ALK: variants seen among roughly 807,000 people sequenced by gnomAD.
ALK encodes ALK tyrosine kinase receptor.
A neutral mutation model predicts 163.1 loss-of-function variants in ALK; 74 were observed. The observed-to-expected ratio is 0.45, with a 90% CI of 0.38 to 0.55. The LOEUF is 0.55. ALK is among the 20% of genes least tolerant of loss of function. The pLI is 0.00. For missense variants in ALK, 2,063 were observed against 2,105.3 expected (o/e 0.98, Z 0.39); for synonymous variants, 960 against 843.2 (o/e 1.14, Z -2.40).
chr2:29,401,106 C>T (rs1448032488), intron 4 of ALK, among the ~76,000 whole-genome samples: 2 of 152,176 alleles, frequency 1.3e-5, no homozygotes, highest in Non-Finnish European at 2.9e-5. Flanking sequence ...TAAATGGCAT[C>T]CTGGAGGTGG....
chr2:29,469,456 A>C (rs1177387007), intron 4 of ALK, among the ~76,000 whole-genome samples: 1 of 152,178 alleles, frequency 6.6e-6, no homozygotes, highest in African/African-American at 2.4e-5. Context: ...TCCATCTTTC[A>C]GGGTGTTCTC....
intron 3 of ALK, among the ~76,000 whole-genome samples, chr2:29,533,348 G>A (rs1331155706): frequency 6.6e-6 from 1 of 152,230 alleles, no homozygotes; most frequent in Non-Finnish European, 1.5e-5. Flanking sequence ...CAAAGACAAA[G>A]AATTGGGAAG....
chr2:29,412,229 A>G (rs1203713318), intron 4 of ALK, among the ~76,000 whole-genome samples: 2 of 152,220 alleles, frequency 1.3e-5, no homozygotes, highest in Non-Finnish European at 2.9e-5. Flanking sequence ...AGTGAACAAA[A>G]TCTTGAAAGG....
intron 7 of ALK, 140 bp downstream of exon 7, chr2:29,320,611 G>T: frequency 3.4e-6 from 4 of 1,162,456 alleles, no homozygotes; most frequent in African/African-American, 1.5e-5. Flanking sequence ...AGAGGGAATT[G>T]TGTGTGAACG....
chr2:29,494,907 A>C (rs1052245550), intron 4 of ALK, among the ~76,000 whole-genome samples: 2 of 150,628 alleles, frequency 1.3e-5, no homozygotes, highest in Non-Finnish European at 3.0e-5. Flanking sequence ...ATAGTCTCTT[A>C]GTTCCTCACT....
intron 9 of ALK, among the ~76,000 whole-genome samples, chr2:29,280,503 G>A (rs1487560652): frequency 4.0e-5 from 6 of 151,750 alleles, no homozygotes; most frequent in Non-Finnish European, 8.8e-5. Context: ...TGGGACTGAC[G>A]GAAAGTTCTA....
intron 2 of ALK, among the ~76,000 whole-genome samples, chr2:29,696,074 G>T (rs1678550769): frequency 6.6e-6 from 1 of 152,172 alleles, no homozygotes; most frequent in Non-Finnish European, 1.5e-5. Flanking sequence ...ACTATAAACA[G>T]ACATGCCTAC....
intron 4 of ALK, among the ~76,000 whole-genome samples, chr2:29,415,031 T>A (rs988362060): frequency 5.3e-5 from 8 of 151,442 alleles, no homozygotes; most frequent in African/African-American, 1.5e-4. Flanking sequence ...TGCACACACA[T>A]GCACAGATAT....
intron 13 of ALK, among the ~76,000 whole-genome samples, chr2:29,236,514 C>G (rs75642287): frequency 0.076 from 11,583 of 152,234 alleles, 554 homozygotes; most frequent in Non-Finnish European, 0.11. Context: ...TATTGGTGAA[C>G]AAGAGAAAGA....
chr2:29,909,474 GAC>G (rs1667640721), intron 1 of ALK, among the ~76,000 whole-genome samples: 2 of 130,972 alleles, frequency 1.5e-5, no homozygotes, highest in Non-Finnish European at 3.2e-5. Context: ...GAGAGAGACA[GAC>G]AGACAGAGAG....
intron 24 of ALK, among the ~76,000 whole-genome samples, chr2:29,213,220 C>A (rs1669509899): frequency 6.6e-6 from 1 of 152,158 alleles, no homozygotes; most frequent in African/African-American, 2.4e-5. Context: ...CTGAGAAAGT[C>A]ATCAGCTTTC....
chr2:29,779,063 G>A (rs1231998920), intron 1 of ALK, among the ~76,000 whole-genome samples: 1 of 152,218 alleles, frequency 6.6e-6, no homozygotes, highest in East Asian at 1.9e-4. Context: ...GGCTGAGGCA[G>A]GAGAATGGCA....
intron 3 of ALK, among the ~76,000 whole-genome samples, chr2:29,564,991 G>T (rs1674138388): frequency 1.3e-5 from 2 of 152,270 alleles, no homozygotes; most frequent in African/African-American, 4.8e-5. Flanking sequence ...GTGACTTGAG[G>T]TAGCTTTCAG....
chr2:29,669,123 T>A (rs989005057), intron 3 of ALK, among the ~76,000 whole-genome samples: 10 of 152,054 alleles, frequency 6.6e-5, no homozygotes, highest in African/African-American at 1.9e-4. Context: ...TTAGATCTAG[T>A]GTGTAAGTTA....
chr2:29,227,087 A>C lies in ALK; in HGVS notation c.2915-13T>G. On this transcript the variant is annotated splice_polypyrimidine_tract_variant and intron_variant, in intron 17 of 28. Transcript: ENST00000389048. The surrounding 1 kb of genome is among the most constrained non-coding windows in gnomAD (Gnocchi z 4.4). ...TGGCCTTCCATCACTAGTGACAAGGAGGGAGGGTCAGTCTTGGGCCGAGCC... is the reference window on the plus strand; with the variant it reads ...TGGCCTTCCATCACTAGTGACAAGGCGGGAGGGTCAGTCTTGGGCCGAGCC... The C allele has an allele frequency of 6.2e-7, 1 of 1,614,098 alleles. No individual in the cohort carries two copies. The highest frequency in any genetic ancestry group is 8.5e-7 in the Non-Finnish European group (1 of 1,180,026).
chr2:29,779,485 G>T (rs1681276167), intron 1 of ALK, among the ~76,000 whole-genome samples: 1 of 152,156 alleles, frequency 6.6e-6, no homozygotes. Context: ...ATTAAATGGG[G>T]TCTCCTGAGT....
intron 1 of ALK, among the ~76,000 whole-genome samples, chr2:29,725,229 A>T (rs1047679303): frequency 6.1e-4 from 92 of 151,324 alleles, no homozygotes; most frequent in Non-Finnish European, 1.1e-3. Context: ...TGGAGCCCAA[A>T]CACTCTGGCC....
chr2:29,452,884 T>A (rs1670858805), intron 4 of ALK, among the ~76,000 whole-genome samples: 1 of 152,186 alleles, frequency 6.6e-6, no homozygotes, highest in Non-Finnish European at 1.5e-5. Flanking sequence ...GCAAATTGAG[T>A]GACGTTGTAC....
chr2:29,577,991 T>G (rs1421360912), intron 3 of ALK, among the ~76,000 whole-genome samples: 1 of 151,990 alleles, frequency 6.6e-6, no homozygotes, highest in Admixed American at 6.5e-5. Flanking sequence ...TTCCTCTAGG[T>G]AAAGAGGAAG....
Sources: gnomAD v4.1 joint callset for allele counts (sites outside exome capture counted in the v4.1 genomes callset) on GRCh38, gnomAD v4.1.1 for gene constraint, Gnocchi (gnomAD v3.1) non-coding constraint, MANE v1.5 for transcripts, NCBI Gene and HGNC (gene_info 2026-07-23, HGNC 2026-07-21) for gene names.